Variants in GPC6 observed in about 807,000 individuals in gnomAD.
GPC6 encodes the protein glypican 6, also known as glypican-6.
GPC6 carries 14 observed loss-of-function variants against 55.2 expected under a neutral mutation model. That is an observed-to-expected ratio of 0.25 (90% CI 0.17 to 0.40). The LOEUF (loss-of-function observed/expected upper bound fraction) is 0.40. Ranked by LOEUF, GPC6 falls within the 10% of genes least tolerant of loss-of-function variation. GPC6 has a pLI of 1.00. For synonymous variants in GPC6, 278 were observed against 259.6 expected, an observed-to-expected ratio of 1.07 and a Z score of -0.68; for missense variants, 641 against 708.5, an observed-to-expected ratio of 0.90 and a Z score of 1.08.
At chr13:93,923,330 A>G (rs1877673245) in intron 3 of GPC6, among the ~76,000 whole-genome samples, 1 of 152,212 alleles carries the variant, frequency 6.6e-6, no homozygotes, top group South Asian at 2.1e-4. Flanking sequence ...GTTCGGGGAA[A>G]AGGGCAGCTG....
Position 93,366,359 on chromosome 13 carries a change from A to G in GPC6, c.160+138743A>G, listed in dbSNP as rs186594452. Among the ~76,000 whole-genome samples the G allele has an allele frequency of 1.2e-3, 188 of 152,228 alleles. 1 individual carries two copies. Among genetic ancestry groups the G allele is most frequent in the African/African-American group, 4.4e-3 (182 of 41,564 alleles). On this transcript the variant is annotated intron_variant, in intron 1 of 8. Transcript: ENST00000377047. ...CCAAATTCTGATGGAGCAGCATGTC[A>G]TCAACAATGACATTTCCAAACCTGA...
At chr13:94,384,891 A>G (rs1228771313) in intron 7 of GPC6, among the ~76,000 whole-genome samples, 1 of 152,194 alleles carries the variant, frequency 6.6e-6, no homozygotes, top group African/African-American at 2.4e-5. Flanking sequence ...GTGGTTCTAC[A>G]GCATTCATTG....
intron 1 of GPC6, among the ~76,000 whole-genome samples, chr13:93,319,661 A>G (rs559199244): frequency 1.3e-5 from 2 of 152,248 alleles, no homozygotes; most frequent in Admixed American, 1.3e-4. Context: ...GAACAAATAA[A>G]ATAAATTCTC....
At chr13:93,228,067 T>G (rs1026291241) in intron 1 of GPC6, among the ~76,000 whole-genome samples, 1 of 152,044 alleles carries the variant, frequency 6.6e-6, no homozygotes. Flanking sequence ...CTCCCGCCCT[T>G]GCGCCGGCAG....
chr13:93,570,925 T>G (rs1167616952), intron 2 of GPC6, among the ~76,000 whole-genome samples: 1 of 152,144 alleles, frequency 6.6e-6, no homozygotes. Context: ...AATAATTTAC[T>G]TACTCGTAAT....
intron 3 of GPC6, among the ~76,000 whole-genome samples, chr13:93,959,873 C>G (rs1660642108): frequency 6.6e-6 from 1 of 152,182 alleles, no homozygotes; most frequent in Non-Finnish European, 1.5e-5. Context: ...CTCAAGATCA[C>G]GCAGCTAGTA....
intron 2 of GPC6, among the ~76,000 whole-genome samples, chr13:93,758,757 T>C (rs1370859203): frequency 2.0e-5 from 3 of 152,080 alleles, no homozygotes; most frequent in African/African-American, 7.2e-5. Context: ...AGTTGAACAC[T>C]GAATCAGCTG....
intron 3 of GPC6, among the ~76,000 whole-genome samples, chr13:93,856,847 G>A (rs572998234): frequency 6.6e-6 from 1 of 151,552 alleles, no homozygotes; most frequent in Non-Finnish European, 1.5e-5. Flanking sequence ...TCCAGACCTG[G>A]TTCATTGTGC....
chr13:93,865,144 T>C (rs1213363331), intron 3 of GPC6, among the ~76,000 whole-genome samples: 2 of 151,638 alleles, frequency 1.3e-5, no homozygotes, highest in African/African-American at 2.4e-5. Context: ...TAAAAGTTCC[T>C]TTGAGGCCCT....
Position 93,400,104 on chromosome 13 carries a change from C to T in GPC6, c.161-145159C>T, listed in dbSNP as rs2762106. Among the ~76,000 whole-genome samples the T allele has an allele frequency of 1.2e-4, 18 of 152,134 alleles. No individual in the cohort carries two copies. In the South Asian group the frequency reaches 1.7e-3, roughly 14 times the overall value. ...GACCTGCAGGTCTTAAAGTGGTTGA[C>T]GGGGAGATGCAGCTAGCCATTTGAG... On this transcript the variant is annotated intron_variant, in intron 1 of 8. Coordinates refer to ENST00000377047, the MANE Select transcript of GPC6 (RefSeq NM_005708.5).
At chr13:94,006,617 T>A (rs1191150149) in intron 3 of GPC6, among the ~76,000 whole-genome samples, 1 of 152,154 alleles carries the variant, frequency 6.6e-6, no homozygotes, top group Non-Finnish European at 1.5e-5. Context: ...CATGGCAGAT[T>A]AGCATTCAAA....
At chr13:93,247,333 C>T (rs1876638718) in intron 1 of GPC6, among the ~76,000 whole-genome samples, 1 of 152,148 alleles carries the variant, frequency 6.6e-6, no homozygotes, top group South Asian at 2.1e-4. Flanking sequence ...AAAATGGGAA[C>T]TTGTAATTCT....
In GPC6 at chr13:93,638,548, C is replaced by T. The variant is rs374243016; in HGVS notation, c.319+93127C>T. Among the ~76,000 whole-genome samples the T allele has an allele frequency of 3.7e-4, 56 of 152,192 alleles. 2 individuals carry two copies. The South Asian group carries it at 0.012, about 32-fold the overall frequency. ...AAATGAATAGAATCATCTGTCTGGACATACAGCAATAACTCTTTCCAAGGC... is the reference window on the plus strand; with the variant it reads ...AAATGAATAGAATCATCTGTCTGGATATACAGCAATAACTCTTTCCAAGGC... On this transcript the variant is annotated intron_variant, in intron 2 of 8. Transcript: ENST00000377047.
intron 6 of GPC6, among the ~76,000 whole-genome samples, chr13:94,315,758 T>G (rs1334816226): frequency 6.6e-6 from 1 of 152,196 alleles, no homozygotes; most frequent in Non-Finnish European, 1.5e-5. Context: ...AAAATCAGTC[T>G]TTCCTTTATT....
Position 93,935,977 on chromosome 13 carries a change from C to T in GPC6, c.712-91752C>T, listed in dbSNP as rs533850337. 5.3e-5 allele frequency among the ~76,000 whole-genome samples: 8 copies of T among 151,898 alleles called. No individual in the cohort carries two copies. The East Asian group carries it at 1.4e-3, about 26-fold the overall frequency. On this transcript the variant is annotated intron_variant, in intron 3 of 8. Coordinates refer to ENST00000377047, the MANE Select transcript of GPC6 (RefSeq NM_005708.5). ...TTCATTTGCATTAAATTTTGAGAAT[C>T]GATGATAAACTTAACAATATTAAAG...
chr13:93,961,223 A>G (rs1423384654), intron 3 of GPC6, among the ~76,000 whole-genome samples: 1 of 152,204 alleles, frequency 6.6e-6, no homozygotes, highest in Non-Finnish European at 1.5e-5. Context: ...TTAAGAGGAA[A>G]TTTAGAATCT....
At chr13:93,586,251 T>C (rs1372177394) in intron 2 of GPC6, among the ~76,000 whole-genome samples, 2 of 152,206 alleles carry the variant, frequency 1.3e-5, no homozygotes, top group African/African-American at 4.8e-5. Context: ...CTAAAGATAA[T>C]GGCCTCCAGC....
chr13:93,655,095 C>T (rs1181053042), intron 2 of GPC6, among the ~76,000 whole-genome samples: 6 of 150,194 alleles, frequency 4.0e-5, no homozygotes, highest in Non-Finnish European at 8.9e-5. Context: ...GTGATCCACC[C>T]GCCTCGGCCT....
intron 2 of GPC6, among the ~76,000 whole-genome samples, chr13:93,818,242 A>G (rs939147462): frequency 5.3e-5 from 8 of 151,814 alleles, no homozygotes; most frequent in African/African-American, 1.9e-4. Context: ...ATTTGCTCTT[A>G]TTTAGACATC....
Sources: gnomAD v4.1 joint callset for allele counts (sites outside exome capture counted in the v4.1 genomes callset) on GRCh38, gnomAD v4.1.1 for gene constraint, MANE v1.5 for transcripts, NCBI Gene and HGNC (gene_info 2026-07-23, HGNC 2026-07-21) for gene names.